Variants in LIPK observed in about 807,000 individuals in gnomAD.
LIPK encodes the protein lipase family member K, also known as lipase member K.
In LIPK, 32 loss-of-function variants were observed where a neutral mutation model predicts 48.6. That is an observed-to-expected ratio of 0.66 (90% CI 0.50 to 0.88). The LOEUF is 0.88. Among genes scored for constraint, LIPK ranks in the 40% least tolerant of loss-of-function variants. The pLI is 0.00. For synonymous variants in LIPK, 164 were observed against 157.4 expected, an observed-to-expected ratio of 1.04 and a Z score of -0.32; for missense variants, 507 against 478.5, an observed-to-expected ratio of 1.06 and a Z score of -0.56.
rs35274704 is a variant in LIPK, at chr10:88,746,399, T to TA, written c.960+3087dup. Among the ~76,000 whole-genome samples the TA allele has an allele frequency of 7.1e-3, 1,079 of 150,988 alleles. 4 individuals carry two copies. The highest frequency in any genetic ancestry group is 0.027 in the Middle Eastern group (8 of 292). On this transcript the variant is annotated intron_variant, in intron 9 of 9. Transcript: ENST00000404190. Reference sequence around the variant, plus strand: ...AACCATAAAGCAATTCTCAACAAATTAAAAAAAAACTGAAATTATACTATG... The same window carrying TA: ...AACCATAAAGCAATTCTCAACAAATTAAAAAAAAAACTGAAATTATACTATG...
At chr10:88,720,677 ATGTG>A in intron 1 of LIPK, among the ~76,000 whole-genome samples, 1 of 150,702 alleles carries the variant, frequency 6.6e-6, no homozygotes, top group East Asian at 2.0e-4. Flanking sequence ...ATGTGTGTGT[ATGTG>A]TGTGTGTAGT....
At chr10:88,712,226 G>A (rs572532762) in intron 1 of LIPK, among the ~76,000 whole-genome samples, 1 of 152,156 alleles carries the variant, frequency 6.6e-6, no homozygotes, top group South Asian at 2.1e-4. Flanking sequence ...ATTTTTGTTA[G>A]CATAGCAAGT....
chr10:88,732,689 T>C (rs754317317), intron 6 of LIPK, 138 bp downstream of exon 6: 142 of 878,638 alleles, frequency 1.6e-4, no homozygotes, highest in Admixed American at 8.5e-4. Flanking sequence ...AGTTCACTGA[T>C]GATGTATGCA....
At chr10:88,748,240 A>G (rs1419936736) in intron 9 of LIPK, among the ~76,000 whole-genome samples, 1 of 152,142 alleles carries the variant, frequency 6.6e-6, no homozygotes, top group African/African-American at 2.4e-5. Flanking sequence ...CAGAGAGGGG[A>G]ACAACACACA....
chr10:88,739,096 TTG>T (rs1842629960), intron 7 of LIPK, among the ~76,000 whole-genome samples: 1 of 152,234 alleles, frequency 6.6e-6, no homozygotes, highest in Non-Finnish European at 1.5e-5. Flanking sequence ...TCAAGAGTTT[TTG>T]TGTGTGTTTT....
chr10:88,725,174 G>A (rs191422600), intron 2 of LIPK, among the ~76,000 whole-genome samples: 3 of 152,162 alleles, frequency 2.0e-5, no homozygotes, highest in African/African-American at 7.2e-5. Context: ...CTATATAAAC[G>A]GCGCACAATT....
At chr10:88,728,389 T>C (rs1208874054) in intron 3 of LIPK, 1 of 190,914 alleles carries the variant, frequency 5.2e-6, no homozygotes, top group Non-Finnish European at 1.1e-5. Context: ...AGGCTGAGAA[T>C]GAGCTGTGTC....
chr10:88,716,974 T>A (rs1308393595), intron 1 of LIPK, among the ~76,000 whole-genome samples: 2 of 152,028 alleles, frequency 1.3e-5, no homozygotes, highest in Non-Finnish European at 2.9e-5. Flanking sequence ...AGACAGATGA[T>A]AAGATGCTGT....
At chr10:88,729,925 T>C (rs1308968714) in intron 3 of LIPK, among the ~76,000 whole-genome samples, 2 of 151,412 alleles carry the variant, frequency 1.3e-5, no homozygotes, top group Non-Finnish European at 3.0e-5. Flanking sequence ...CCCTCTCTTC[T>C]CTCTTTTTCC....
chr10:88,732,693 G>A (rs1359854391), intron 6 of LIPK, 142 bp downstream of exon 6: 3 of 860,050 alleles, frequency 3.5e-6, no homozygotes, highest in Non-Finnish European at 5.4e-6. Context: ...CACTGATGAT[G>A]TATGCAATCT....
chr10:88,736,692 C>T (rs1842578403), intron 6 of LIPK, among the ~76,000 whole-genome samples: 1 of 152,110 alleles, frequency 6.6e-6, no homozygotes, highest in Admixed American at 6.5e-5. Flanking sequence ...AAATAATCAA[C>T]AATTAAAATA....
intron 1 of LIPK, among the ~76,000 whole-genome samples, chr10:88,714,709 T>C (rs1842085386): frequency 6.6e-6 from 1 of 152,140 alleles, no homozygotes; most frequent in African/African-American, 2.4e-5. Flanking sequence ...TTGTTTGTAT[T>C]GTTAATGATA....
intron 3 of LIPK, among the ~76,000 whole-genome samples, chr10:88,730,465 A>AT (rs1198030483): frequency 2.0e-5 from 3 of 151,554 alleles, no homozygotes; most frequent in Non-Finnish European, 4.4e-5. Context: ...GTTTTTTTGT[A>AT]TTTTTTAGTA....
chr10:88,728,447 C>G (rs450794), intron 3 of LIPK: 148,902 of 193,550 alleles, frequency 0.77, 58,539 homozygotes, highest in East Asian at 1. Context: ...CCGGCTCCAC[C>G]ATGAGACTGA....
chr10:88,724,456 G>A (rs1842292831), intron 1 of LIPK, 77 bp from the exon 2 acceptor site: 1 of 813,084 alleles, frequency 1.2e-6, no homozygotes, highest in South Asian at 1.6e-5. Flanking sequence ...TCATAGCAGT[G>A]TTATAAAAAG....
chr10:88,743,418 C>A (rs1281906601), intron 9 of LIPK, 97 bp downstream of exon 9: 4 of 802,846 alleles, frequency 5.0e-6, no homozygotes, highest in Non-Finnish European at 8.3e-6. Context: ...TTTAACCACA[C>A]TGGATATTGC....
chr10:88,739,791 C>G (rs1299049411), intron 7 of LIPK, among the ~76,000 whole-genome samples: 1 of 151,686 alleles, frequency 6.6e-6, no homozygotes, highest in Non-Finnish European at 1.5e-5. Flanking sequence ...GGAGGTGGAG[C>G]CTGCAGTGAG....
At position 88,737,810 on chromosome 10, in the gene LIPK, A is replaced by G. The variant is rs1412191619; in HGVS notation, c.816+29A>G. ...GGTGTAAGTAATTGGGTCTGGGAAA[A>G]CATTTGTTTTGTTGCACAGAAGTGA... On this transcript the variant is annotated intron_variant, in intron 7 of 9. Coordinates refer to ENST00000404190, the MANE Select transcript of LIPK (RefSeq NM_001080518.2). 2.5e-6 allele frequency: 4 copies of G among 1,610,178 alleles called. No homozygotes were observed. The African/African-American group carries it at 5.3e-5, about 22-fold the overall frequency.
intron 7 of LIPK, among the ~76,000 whole-genome samples, chr10:88,738,961 G>A (rs773361979): frequency 6.6e-6 from 1 of 152,282 alleles, no homozygotes; most frequent in Middle Eastern, 3.4e-3. Flanking sequence ...TTTTTATTCA[G>A]TACATTTGGA....
Sources: allele counts gnomAD v4.1 joint callset (sites outside exome capture counted in the v4.1 genomes callset), GRCh38; gene constraint gnomAD v4.1.1; transcripts MANE v1.5; gene names NCBI Gene and HGNC (gene_info 2026-07-23, HGNC 2026-07-21).